CCDC15: variants seen among roughly 807,000 people sequenced by gnomAD.
CCDC15 encodes coiled-coil domain containing 15, also known as coiled-coil domain-containing protein 15.
In CCDC15, 105 loss-of-function variants were observed where a neutral mutation model predicts 114.5. The observed-to-expected ratio is 0.92, with a 90% CI of 0.78 to 1.08. CCDC15 has a LOEUF of 1.08. CCDC15 is among the 50% of genes least tolerant of loss of function. The pLI, the probability that CCDC15 is intolerant of heterozygous loss-of-function variation, is 0.00. For missense variants in CCDC15, 1,105 were observed against 1,093.6 expected (o/e 1.01, Z -0.15); for synonymous variants, 334 against 377.8 (o/e 0.88, Z 1.34).
intron 13 of CCDC15, among the ~76,000 whole-genome samples, chr11:125,010,031 G>T (rs1306883797): frequency 6.6e-6 from 1 of 152,144 alleles, no homozygotes; most frequent in Non-Finnish European, 1.5e-5. Flanking sequence ...TAGGTCAAAT[G>T]GTAGTTCTAA....
intron 4 of CCDC15, among the ~76,000 whole-genome samples, chr11:124,969,843 C>T (rs1166460738): frequency 6.6e-6 from 1 of 152,170 alleles, no homozygotes; most frequent in Non-Finnish European, 1.5e-5. Context: ...AGGAATGCAA[C>T]TGGAGAGTTT....
At position 125,036,427 on chromosome 11, in the gene CCDC15, T is replaced by C. The variant is rs377315333; in HGVS notation, c.2412-2004T>C. Among the ~76,000 whole-genome samples the C allele has an allele frequency of 3.5e-4, 43 of 121,914 alleles. No homozygotes were observed. In the East Asian group the frequency reaches 5.4e-3, roughly 15 times the overall value. 80.0% of individuals were successfully genotyped at this position (121,914 alleles called of 152,430 possible). A position where few individuals can be genotyped will look rare whatever the true frequency, so the allele number is the denominator to read the frequency against. On this transcript the variant is annotated intron_variant, in intron 13 of 15. Coordinates refer to ENST00000344762, the MANE Select transcript of CCDC15 (RefSeq NM_025004.3). ...TTCTTTATTATTGACCTTTGGGAGT[T>C]TGATTATTGAATGTCTTGAGTTAAT...
At chr11:125,009,522 G>A (rs1208624665) in intron 13 of CCDC15, among the ~76,000 whole-genome samples, 5 of 152,080 alleles carry the variant, frequency 3.3e-5, no homozygotes, top group African/African-American at 1.2e-4. Context: ...TTCTATTTTA[G>A]ATTCAGGGGG....
At chr11:124,998,146 GT>G (rs1216190864) in intron 11 of CCDC15, among the ~76,000 whole-genome samples, 1 of 152,192 alleles carries the variant, frequency 6.6e-6, no homozygotes, top group Non-Finnish European at 1.5e-5. Flanking sequence ...AAGGTGCAGT[GT>G]GGTTTCTTCT....
intron 2 of CCDC15, among the ~76,000 whole-genome samples, chr11:124,956,142 G>A (rs57928609): frequency 1.4e-4 from 21 of 145,808 alleles, no homozygotes; most frequent in African/African-American, 5.2e-4. Flanking sequence ...TTGGAGAAGG[G>A]ATTGACTTTG....
chr11:124,980,218 G>A (rs1948045670), intron 6 of CCDC15, among the ~76,000 whole-genome samples: 1 of 152,104 alleles, frequency 6.6e-6, no homozygotes, highest in Non-Finnish European at 1.5e-5. Context: ...AAGAATATTG[G>A]CCTGAAGTTT....
At chr11:124,992,787 T>G (rs527348327) in intron 10 of CCDC15, 100 bp downstream of exon 10, 1 of 668,392 alleles carries the variant, frequency 1.5e-6, no homozygotes, top group East Asian at 2.7e-5. Flanking sequence ...CTAGCTTGTT[T>G]GTGGAATACA....
chr11:124,973,062 C>T (rs1161361652), intron 4 of CCDC15, among the ~76,000 whole-genome samples: 3 of 152,066 alleles, frequency 2.0e-5, no homozygotes, highest in African/African-American at 7.2e-5. Context: ...CAAAGCATGT[C>T]ATTGAAAAAG....
intron 11 of CCDC15, among the ~76,000 whole-genome samples, chr11:125,001,732 T>C (rs1256482558): frequency 6.6e-6 from 1 of 152,260 alleles, no homozygotes; most frequent in Non-Finnish European, 1.5e-5. Flanking sequence ...TAGCAGTACT[T>C]TGTTCCTATT....
At chr11:125,022,531 T>C (rs1591611666) in intron 13 of CCDC15, among the ~76,000 whole-genome samples, 2 of 152,080 alleles carry the variant, frequency 1.3e-5, no homozygotes, top group East Asian at 3.9e-4. Context: ...TGTCAGAATC[T>C]GGACAGACTT....
chr11:124,982,438 C>G (rs895092274), intron 6 of CCDC15, among the ~76,000 whole-genome samples: 1 of 152,194 alleles, frequency 6.6e-6, no homozygotes, highest in Non-Finnish European at 1.5e-5. Flanking sequence ...TCTTTCCTTT[C>G]CATATTTAGC....
intron 13 of CCDC15, among the ~76,000 whole-genome samples, chr11:125,009,223 G>A (rs1254366349): frequency 3.4e-4 from 5 of 14,866 alleles, no homozygotes; most frequent in Non-Finnish European, 6.9e-4. Flanking sequence ...GCGAAACTCC[G>A]TCTCAAAAAA....
intron 11 of CCDC15, among the ~76,000 whole-genome samples, chr11:124,993,800 A>G (rs577289288): frequency 6.6e-6 from 1 of 152,348 alleles, no homozygotes; most frequent in East Asian, 1.9e-4. Flanking sequence ...TAAGATTAGC[A>G]ATAGTGTTAT....
chr11:125,004,265 T>G (rs969320710), intron 12 of CCDC15, among the ~76,000 whole-genome samples: 21 of 152,056 alleles, frequency 1.4e-4, no homozygotes, highest in South Asian at 6.2e-4. Context: ...TTTTTTTTTC[T>G]CTTTTCAATC....
intron 13 of CCDC15, among the ~76,000 whole-genome samples, chr11:125,020,380 T>G (rs1306865070): frequency 6.6e-6 from 1 of 151,990 alleles, no homozygotes; most frequent in Admixed American, 6.6e-5. Context: ...TTGTGAAGGA[T>G]TAGTGCTTTG....
intron 4 of CCDC15, among the ~76,000 whole-genome samples, chr11:124,965,266 G>T (rs1947754169): frequency 6.6e-6 from 1 of 152,100 alleles, no homozygotes; most frequent in South Asian, 2.1e-4. Context: ...GAATCCATCT[G>T]GTCTTGGACT....
rs535809230 is a variant in CCDC15 at position 125,035,843 on chromosome 11, C to G, written c.2412-2588C>G. Among the ~76,000 whole-genome samples, 5 of 152,242 alleles carry G rather than the reference C, an allele frequency of 3.3e-5. No homozygotes were observed. In the East Asian group the frequency reaches 9.6e-4, roughly 29 times the overall value. ...AACAGTGATTACATAAACAAACTAA[C>G]AAGTAAAGAGAAAACTAATAAAAAC... On this transcript the variant is annotated intron_variant, in intron 13 of 15. Coordinates refer to ENST00000344762, the MANE Select transcript of CCDC15 (RefSeq NM_025004.3).
At chr11:124,985,625 ACT>A (rs1948145629) in intron 6 of CCDC15, among the ~76,000 whole-genome samples, 1 of 136,188 alleles carries the variant, frequency 7.3e-6, no homozygotes, top group African/African-American at 3.0e-5. Flanking sequence ...CAGTTGTGTA[ACT>A]CTTGTGGATA....
chr11:125,005,456 A>G (rs1948544483), intron 13 of CCDC15, among the ~76,000 whole-genome samples: 2 of 152,092 alleles, frequency 1.3e-5, no homozygotes, highest in Admixed American at 1.3e-4. Flanking sequence ...GAAAGTACAG[A>G]GAGTATACCC....
Sources: gnomAD v4.1 joint callset for allele counts (sites outside exome capture counted in the v4.1 genomes callset) on GRCh38, gnomAD v4.1.1 for gene constraint, MANE v1.5 for transcripts, NCBI Gene and HGNC (gene_info 2026-07-23, HGNC 2026-07-21) for gene names.